PIEZO2: variants seen among roughly 807,000 people sequenced by gnomAD.
The protein encoded by PIEZO2 is piezo type mechanosensitive ion channel component 2, also known as piezo-type mechanosensitive ion channel component 2.
Under a neutral mutation model 337.3 loss-of-function variants are expected in PIEZO2, and 172 were observed. That is an observed-to-expected ratio of 0.51 (90% CI 0.45 to 0.58). PIEZO2 has a LOEUF of 0.58. Among genes scored for constraint, PIEZO2 ranks in the 20% least tolerant of loss-of-function variants. The probability of loss-of-function intolerance (pLI) is 0.00; values close to 1 mark genes in which losing one functional copy is unlikely to be tolerated. For synonymous variants in PIEZO2, 1,251 were observed against 1,228.5 expected (o/e 1.02, Z -0.38); for missense variants, 3,028 against 3,391.3 (o/e 0.89, Z 2.66).
intron 16 of PIEZO2, among the ~76,000 whole-genome samples, chr18:10,785,900 C>T (rs1388467575): frequency 2.0e-5 from 3 of 152,106 alleles, no homozygotes; most frequent in Admixed American, 1.3e-4. Flanking sequence ...ATAATGCTAC[C>T]TACAAGCCAT....
intron 3 of PIEZO2, among the ~76,000 whole-genome samples, chr18:10,967,653 A>G (rs2034067207): frequency 6.6e-6 from 1 of 152,162 alleles, no homozygotes; most frequent in South Asian, 2.1e-4. Context: ...CTGAAGTGGT[A>G]TCACACTGTG....
At chr18:10,995,830 C>T (rs958750415) in intron 2 of PIEZO2, among the ~76,000 whole-genome samples, 3 of 152,020 alleles carry the variant, frequency 2.0e-5, no homozygotes, top group Non-Finnish European at 2.9e-5. Context: ...GGACTCAGGA[C>T]AGTTATTTTT....
At chr18:10,951,137 T>C (rs1048370078) in intron 3 of PIEZO2, among the ~76,000 whole-genome samples, 4 of 152,230 alleles carry the variant, frequency 2.6e-5, no homozygotes, top group African/African-American at 9.6e-5. Context: ...TGCAACCACC[T>C]GCTGCAATTC....
In PIEZO2 at chr18:11,070,990, C is replaced by T. The variant is rs553090901; in HGVS notation, c.65-4768G>A. The stretch of plus-strand genomic sequence containing the variant: ...CCAGCCAAGGGTCTGCATTAGAACC[C>T]GTGGTGCCTGCTTCCATGGCTGATT... On this transcript the variant is annotated intron_variant, in intron 1 of 55. Coordinates refer to ENST00000674853, the MANE Select transcript of PIEZO2 (RefSeq NM_001378183.1). This position sits in a 1 kb window ranked among gnomAD's most constrained non-coding sequence, Gnocchi z 4.3. Among the ~76,000 whole-genome samples the T allele has an allele frequency of 7.9e-4, 120 of 152,252 alleles. 1 individual carries two copies. Among genetic ancestry groups the T allele is most frequent in the African/African-American group, 2.7e-3 (112 of 41,536 alleles).
rs980331885 is a variant in PIEZO2 at position 11,102,916 on chromosome 18, C to G, written c.65-36694G>C. 2.0e-5 allele frequency among the ~76,000 whole-genome samples: 3 copies of G among 152,114 alleles called. No homozygotes were observed. Among genetic ancestry groups the G allele is most frequent in the African/African-American group, 7.2e-5 (3 of 41,422 alleles). On this transcript the variant is annotated intron_variant, in intron 1 of 55. Coordinates refer to ENST00000674853, the MANE Select transcript of PIEZO2 (RefSeq NM_001378183.1). The surrounding 1 kb of genome is among the most constrained non-coding windows in gnomAD (Gnocchi z 5.7). ...CTTGAGAGAGACTGAATCTATTTTT[C>G]CAGCTGTAATTTTAAAAATCCCAGG...
chr18:10,884,705 G>T (rs780011618), intron 4 of PIEZO2, among the ~76,000 whole-genome samples: 11 of 152,096 alleles, frequency 7.2e-5, no homozygotes, highest in Non-Finnish European at 1.6e-4. Context: ...CCCCCCTGCT[G>T]GAATTAGTGC....
chr18:10,831,939 C>T (rs1215025933), intron 7 of PIEZO2, among the ~76,000 whole-genome samples: 1 of 152,106 alleles, frequency 6.6e-6, no homozygotes, highest in Non-Finnish European at 1.5e-5. Context: ...CTCAGGCTAC[C>T]ATAGCTTGGA....
Position 10,727,025 on chromosome 18 carries a change from A to G in PIEZO2, c.5029+4382T>C. ...ATGAAGCTGTTTGCTCTGTGCTTCC[A>G]CGGTCTGGGTGTTTCTTGGGGGGTG... On this transcript the variant is annotated intron_variant, in intron 36 of 55. Transcript: ENST00000674853. This position sits in a 1 kb window ranked among gnomAD's most constrained non-coding sequence, Gnocchi z 6.3. The G allele has an allele frequency of 1.3e-6, 1 of 759,352 alleles. No individual in the cohort carries two copies. Among genetic ancestry groups the G allele is most frequent in the East Asian group, 3.0e-5 (1 of 33,644 alleles). The allele number at this position is 759,352 out of a possible 1,614,324, so 47.0% of individuals were successfully genotyped here. A position where few individuals can be genotyped will look rare whatever the true frequency, so the allele number is the denominator to read the frequency against.
chr18:10,955,698 T>C (rs538078387), intron 3 of PIEZO2, among the ~76,000 whole-genome samples: 51 of 152,356 alleles, frequency 3.3e-4, no homozygotes, highest in African/African-American at 1.1e-3. Context: ...CATTTTATCA[T>C]AACTTATATA....
chr18:10,905,707 C>G (rs994592177), intron 4 of PIEZO2, among the ~76,000 whole-genome samples: 2 of 151,900 alleles, frequency 1.3e-5, no homozygotes, highest in Non-Finnish European at 2.9e-5. Context: ...TGACAAATGA[C>G]ACTTCCAGAA....
In PIEZO2 at chr18:10,989,420, T is replaced by C. The variant is rs536151347; in HGVS notation, c.161-9760A>G. 2.0e-5 allele frequency among the ~76,000 whole-genome samples: 3 copies of C among 151,932 alleles called. No individual in the cohort carries two copies. In the South Asian group the frequency reaches 6.2e-4, roughly 32 times the overall value. ...ATTCTAGAGTTAACAGATGAAAATA[T>C]GAAATAATAACTGTGACTTTGGAGT... On this transcript the variant is annotated intron_variant, in intron 2 of 55. Transcript: ENST00000674853.
intron 7 of PIEZO2, among the ~76,000 whole-genome samples, chr18:10,812,670 A>G (rs1019821686): frequency 6.6e-6 from 1 of 151,512 alleles, no homozygotes. Context: ...GCCTCCATGG[A>G]CTCATTATAG....
At chr18:10,731,090 T>A (rs1055051819) in intron 36 of PIEZO2, among the ~76,000 whole-genome samples, 24 of 151,510 alleles carry the variant, frequency 1.6e-4, no homozygotes, top group Admixed American at 4.6e-4. Flanking sequence ...TCTTTTTTTT[T>A]ATTACTTAAT....
At chr18:10,851,736 T>C (rs891865010) in intron 7 of PIEZO2, among the ~76,000 whole-genome samples, 2 of 152,204 alleles carry the variant, frequency 1.3e-5, no homozygotes, top group Non-Finnish European at 2.9e-5. Flanking sequence ...TTTGTAGTTT[T>C]ACTGAAATAC....
At chr18:10,893,078 G>A (rs1410814743) in intron 4 of PIEZO2, among the ~76,000 whole-genome samples, 1 of 152,162 alleles carries the variant, frequency 6.6e-6, no homozygotes, top group African/African-American at 2.4e-5. Flanking sequence ...AGAGGAAACT[G>A]TTTCTACTGC....
At chr18:11,041,531 G>A (rs984376621) in intron 2 of PIEZO2, among the ~76,000 whole-genome samples, 3 of 152,126 alleles carry the variant, frequency 2.0e-5, no homozygotes, top group African/African-American at 7.2e-5. Context: ...AGGTCAGTGG[G>A]TTTTTATACT....
In PIEZO2 at chr18:11,099,476, T is replaced by C. The variant is rs148244629; in HGVS notation, c.65-33254A>G. 6.0e-3 allele frequency among the ~76,000 whole-genome samples: 913 copies of C among 152,342 alleles called. 4 individuals carry two copies. Among genetic ancestry groups the C allele is most frequent in the South Asian group, 0.013 (65 of 4,824 alleles). ...TTTCAATTTATATCTTTATTCTTTT[T>C]TTCTTTTTGAGACAGAGTCTCACTT... On this transcript the variant is annotated intron_variant, in intron 1 of 55. Coordinates refer to ENST00000674853, the MANE Select transcript of PIEZO2 (RefSeq NM_001378183.1). This position sits in a 1 kb window ranked among gnomAD's most constrained non-coding sequence, Gnocchi z 5.4.
Position 11,006,522 on chromosome 18 carries a change from G to T in PIEZO2, c.161-26862C>A, listed in dbSNP as rs374081185. On this transcript the variant is annotated intron_variant, in intron 2 of 55. Transcript: ENST00000674853. ...GCAAAGAAGGGAACAAGCACTCTTTGCCTCCTCAGAGTTAAATTTATGGAG... is the reference window on the plus strand; with the variant it reads ...GCAAAGAAGGGAACAAGCACTCTTTTCCTCCTCAGAGTTAAATTTATGGAG... 6.0e-4 allele frequency among the ~76,000 whole-genome samples: 92 copies of T among 152,236 alleles called. 1 individual carries two copies. The highest frequency in any genetic ancestry group is 2.1e-3 in the African/African-American group (89 of 41,536).
intron 15 of PIEZO2, 29 bp downstream of exon 15, chr18:10,789,050 A>G: frequency 6.6e-7 from 1 of 1,517,416 alleles, no homozygotes; most frequent in Admixed American, 2.0e-5. Flanking sequence ...GAGAGATGTG[A>G]GAATTAAAAT....
Sources: gnomAD v4.1 joint callset for allele counts (sites outside exome capture counted in the v4.1 genomes callset) on GRCh38, gnomAD v4.1.1 for gene constraint, Gnocchi (gnomAD v3.1) non-coding constraint, MANE v1.5 for transcripts, NCBI Gene and HGNC (gene_info 2026-07-23, HGNC 2026-07-21) for gene names.